Variants in ADGRV1 observed in about 807,000 individuals in gnomAD.
ADGRV1 encodes adhesion G protein-coupled receptor V1.
Under a neutral mutation model 596.2 loss-of-function variants are expected in ADGRV1, and 359 were observed. The ratio of observed to expected loss-of-function variants is 0.60; its 90% CI spans 0.55 to 0.66. The LOEUF (loss-of-function observed/expected upper bound fraction) is 0.66. Ranked by LOEUF, ADGRV1 falls within the 30% of genes least tolerant of loss-of-function variation. The pLI is 0.00. For missense variants in ADGRV1, 7,274 were observed against 7,575.6 expected (o/e 0.96, Z 1.48); for synonymous variants, 2,681 against 2,679.2 (o/e 1.00, Z -0.02).
rs751291710 is a variant in ADGRV1, at chr5:90,783,941, C to A, written c.13537C>A (p.Pro4513Thr). The A allele has an allele frequency of 1.7e-5, 28 of 1,612,060 alleles. No individual in the cohort carries two copies. The highest frequency in any genetic ancestry group is 2.1e-5 in the Non-Finnish European group (25 of 1,179,122). Reference sequence around the variant, plus strand: ...AATCATAATAGCTAAGAGTGACTCTCCCTTTGGAGTTATAAGGTTTCTCAA... The same window carrying A: ...AATCATAATAGCTAAGAGTGACTCTACCTTTGGAGTTATAAGGTTTCTCAA... ...SRIIIAKSDS[P>T]FGVIRFLNQS... The change falls in exon 67 of 90, where the codon CCC (proline) becomes ACC (threonine). Residue 4513 changes from proline (P) to threonine (T), a missense_variant. Physicochemically the swap from Pro to Thr is conservative, Grantham distance 38. Around this residue, in one of 5 missense-constraint regions of ADGRV1, gnomAD observed 3,643 missense variants for 3,809.2 expected, o/e 0.96. Transcript: ENST00000405460.
chr5:91,161,251 A>ATG (rs1359059068), intron 89 of ADGRV1, among the ~76,000 whole-genome samples: 21 of 152,224 alleles, frequency 1.4e-4, no homozygotes, highest in African/African-American at 5.1e-4. Flanking sequence ...CTTCCACATA[A>ATG]CACGGTTCTC....
intron 85 of ADGRV1, among the ~76,000 whole-genome samples, chr5:91,013,232 G>T (rs1418646532): frequency 1.3e-5 from 2 of 151,870 alleles, no homozygotes; most frequent in African/African-American, 4.8e-5. Context: ...TATTCCTATG[G>T]ATATCATACC....
chr5:90,661,121 T>A (rs1490209163), intron 21 of ADGRV1, among the ~76,000 whole-genome samples: 1 of 152,210 alleles, frequency 6.6e-6, no homozygotes, highest in Non-Finnish European at 1.5e-5. Flanking sequence ...TTCTCATGTT[T>A]CTTCCCCATA....
At chr5:90,849,556 A>G (rs1766272334) in intron 79 of ADGRV1, among the ~76,000 whole-genome samples, 1 of 151,884 alleles carries the variant, frequency 6.6e-6, no homozygotes, top group South Asian at 2.1e-4. Context: ...CACCTGGCTT[A>G]TTTTTGTATT....
At chr5:90,666,844 G>A (rs1284148730) in intron 21 of ADGRV1, among the ~76,000 whole-genome samples, 1 of 151,680 alleles carries the variant, frequency 6.6e-6, no homozygotes, top group Non-Finnish European at 1.5e-5. Flanking sequence ...TTTCTGTAAA[G>A]TATTTTATTT....
chr5:90,706,442 G>T (rs1284972173), intron 38 of ADGRV1, 48 bp downstream of exon 38: 2 of 1,440,222 alleles, frequency 1.4e-6, no homozygotes, highest in Non-Finnish European at 1.9e-6. Flanking sequence ...AGTTTAATAA[G>T]TTTTTTTTAT....
At chr5:90,607,858 G>A (rs1170193387) in intron 1 of ADGRV1, among the ~76,000 whole-genome samples, 1 of 152,056 alleles carries the variant, frequency 6.6e-6, no homozygotes, top group Non-Finnish European at 1.5e-5. Context: ...AGTATATATA[G>A]ATGATGAAGA....
intron 39 of ADGRV1, among the ~76,000 whole-genome samples, chr5:90,710,260 A>C (rs528616487): frequency 6.6e-6 from 1 of 152,330 alleles, no homozygotes; most frequent in East Asian, 1.9e-4. Context: ...AATCAAAACC[A>C]AACCAAAACA....
rs748121100 is a variant in ADGRV1 at position 90,756,488 on chromosome 5, T to C, written c.11615T>C (p.Val3872Ala). 1 of 1,589,572 alleles carries C rather than the reference T, an allele frequency of 6.3e-7. No individual in the cohort carries two copies. The highest frequency in any genetic ancestry group is 1.2e-5 in the South Asian group (1 of 85,634). ...DLPELEEGFIVTITEVNLVNS... is the reference protein window; with the variant it reads ...DLPELEEGFIATITEVNLVNS... ...CCTGAATTGGAGGAAGGATTTATTG[T>C]CACTATCACTGAGGTGAACCTGGTG... is the stretch of plus-strand genomic sequence containing the variant. Residue 3872 changes from valine (V) to alanine (A), a missense_variant, in exon 56 of 90, where the codon GTC (valine) becomes GCC (alanine). By Grantham distance (64) the Val-to-Ala change is moderately conservative (BLOSUM62 0). Coordinates refer to ENST00000405460, the MANE Select transcript of ADGRV1 (RefSeq NM_032119.4).
Position 90,628,648 on chromosome 5 carries a change from C to T in ADGRV1, c.1325C>T (p.Pro442Leu), listed in dbSNP as rs1765109411. ...NWVLTRNSTDPSPVTADIRPS... is the reference protein window; with the variant it reads ...NWVLTRNSTDLSPVTADIRPS... ...GTGTTGACACGGAACAGCACTGATC[C>T]CTCACCAGTAACAGCAGATATCAGA... Residue 442 changes from proline (P) to leucine (L), a missense_variant, in exon 8 of 90, where the codon CCC (proline) becomes CTC (leucine). Transcript: ENST00000405460. The T allele has an allele frequency of 3.7e-6, 6 of 1,613,908 alleles. No individual in the cohort carries two copies. The East Asian group carries it at 1.3e-4, about 36-fold the overall frequency.
At chr5:91,119,973 C>T (rs1309705111) in intron 87 of ADGRV1, among the ~76,000 whole-genome samples, 2 of 152,148 alleles carry the variant, frequency 1.3e-5, no homozygotes, top group South Asian at 2.1e-4. Context: ...CCTATCCAGC[C>T]TTAGGCAGCT....
intron 1 of ADGRV1, among the ~76,000 whole-genome samples, chr5:90,568,591 T>C (rs887348325): frequency 6.6e-6 from 1 of 152,198 alleles, no homozygotes; most frequent in African/African-American, 2.4e-5. Flanking sequence ...TCTGCTGTTG[T>C]GGGGTGAAGT....
chr5:90,853,203 T>C (rs868363064), intron 79 of ADGRV1, 81 bp from the exon 80 acceptor site: 4 of 1,310,322 alleles, frequency 3.1e-6, no homozygotes, highest in Middle Eastern at 4.0e-4. Context: ...AATCCAAGTG[T>C]AATGCACTTT....
In ADGRV1 at chr5:90,853,464, C is replaced by T. The variant is rs572908116; in HGVS notation, c.17385C>T (p.Val5795=). The part of the protein sequence containing the change: ...IMAGKSTCKL[V]QFTEYSSQQW... The stretch of plus-strand genomic sequence containing the variant: ...CTGGGAAAAGTACATGTAAATTAGT[C>T]CAGTTTACAGAGTATAGCAGCCAAC... Residue 5795 remains valine (V), a synonymous_variant, in exon 80 of 90, where the codon GTC becomes GTT. Coordinates refer to ENST00000405460, the MANE Select transcript of ADGRV1 (RefSeq NM_032119.4). The T allele has an allele frequency of 1.1e-5, 18 of 1,612,932 alleles. No homozygotes were observed. Among genetic ancestry groups the T allele is most frequent in the Admixed American group, 5.0e-5 (3 of 59,854 alleles).
chr5:90,678,289 T>A (rs1744505800), intron 25 of ADGRV1, among the ~76,000 whole-genome samples: 1 of 152,102 alleles, frequency 6.6e-6, no homozygotes, highest in Non-Finnish European at 1.5e-5. Flanking sequence ...TTGCTATTTT[T>A]ACTCTCCTTT....
At chr5:90,977,412 C>T (rs933395873) in intron 84 of ADGRV1, among the ~76,000 whole-genome samples, 5 of 152,164 alleles carry the variant, frequency 3.3e-5, no homozygotes, top group Non-Finnish European at 1.5e-5. Flanking sequence ...TCTGGTGACA[C>T]AGTTAATAAT....
At chr5:90,721,580 AT>A (rs1414239921) in intron 45 of ADGRV1, among the ~76,000 whole-genome samples, 2,888 of 146,600 alleles carry the variant, frequency 0.02, 395 homozygotes, top group African/African-American at 0.071. Flanking sequence ...ATAAAATAAA[AT>A]AAAATAAAAT....
chr5:90,712,169 C>A, intron 41 of ADGRV1, 118 bp from the exon 42 acceptor site: 2 of 577,738 alleles, frequency 3.5e-6, no homozygotes, highest in South Asian at 9.4e-5. Context: ...AGACAAAATT[C>A]AATGTAAAAT....
At chr5:91,092,429 G>A (rs1427072700) in intron 86 of ADGRV1, among the ~76,000 whole-genome samples, 4 of 152,126 alleles carry the variant, frequency 2.6e-5, no homozygotes, top group African/African-American at 9.7e-5. Flanking sequence ...GGTTAGTCAG[G>A]AAGTTTTTGG....
Sources: allele counts gnomAD v4.1 joint callset (sites outside exome capture counted in the v4.1 genomes callset), GRCh38; gene constraint gnomAD v4.1.1; regional missense constraint gnomAD v4.1.1; transcripts MANE v1.5; gene names NCBI Gene and HGNC (gene_info 2026-07-23, HGNC 2026-07-21).